Variants in TNNC1 observed in about 807,000 individuals in gnomAD.
The protein encoded by TNNC1 is troponin C, slow skeletal and cardiac muscles.
Under a neutral mutation model 19.6 loss-of-function variants are expected in TNNC1, and 10 were observed. The ratio of observed to expected loss-of-function variants is 0.51; its 90% CI spans 0.31 to 0.87. The LOEUF is 0.87. Ranked by LOEUF, TNNC1 falls within the 40% of genes least tolerant of loss-of-function variation. TNNC1 has a pLI of 0.04. For synonymous variants in TNNC1, 85 were observed against 80.1 expected (o/e 1.06, Z -0.33); for missense variants, 115 against 219.8 (o/e 0.52, Z 3.02).
Position 52,451,875 on chromosome 3 carries a change from T to A in TNNC1, c.203-17A>T, listed in dbSNP as rs1209730200. 1 of 1,610,478 alleles carries A rather than the reference T, an allele frequency of 6.2e-7. No homozygotes were observed. Among genetic ancestry groups the A allele is most frequent in the Non-Finnish European group, 8.5e-7 (1 of 1,176,980 alleles). ...TGCCGCTGCCTGGGGGTGGGCAGCA[T>A]GGCCGTTACAGAGGCCAGGGTAGGT... On this transcript the variant is annotated splice_polypyrimidine_tract_variant and intron_variant, in intron 3 of 5. Coordinates refer to ENST00000232975, the MANE Select transcript of TNNC1 (RefSeq NM_003280.3). This position sits in a 1 kb window ranked among gnomAD's most constrained non-coding sequence, Gnocchi z 4.8.
Position 52,451,405 on chromosome 3 carries a change from C to A in TNNC1, c.440G>T (p.Arg147Leu). 1 of 1,614,160 alleles carries A rather than the reference C, an allele frequency of 6.2e-7. No individual in the cohort carries two copies. Among genetic ancestry groups the A allele is most frequent in the South Asian group, 1.1e-5 (1 of 91,084 alleles). ...CACCCGCTTACCATCATAGTCGATG[C>A]GGCCGTCGTTGTTCTTGTCTCCGTC... is the stretch of plus-strand genomic sequence containing the variant. Reference protein sequence around the residue: ...MKDGDKNNDGRIDYDEFLEFM... With the variant: ...MKDGDKNNDGLIDYDEFLEFM... Residue 147 changes from arginine (R) to leucine (L), a missense_variant, in exon 5 of 6, where the codon CGC becomes CTC. Physicochemically the swap from Arg to Leu is moderately radical, Grantham distance 102. Transcript: ENST00000232975. This position sits in a 1 kb window ranked among gnomAD's most constrained non-coding sequence, Gnocchi z 4.8.
At chr3:52,453,778 C>T (rs898418157) in intron 1 of TNNC1, among the ~76,000 whole-genome samples, 4 of 152,212 alleles carry the variant, frequency 2.6e-5, no homozygotes, top group African/African-American at 7.2e-5. Context: ...CTGAAAGCTG[C>T]AACCTCCTCC....
At position 52,451,185 on chromosome 3, in the gene TNNC1, C is replaced by G; in HGVS notation, c.*90G>C. The G allele has an allele frequency of 6.7e-7, 1 of 1,496,194 alleles. No homozygotes were observed. The highest frequency in any genetic ancestry group is 9.3e-7 in the Non-Finnish European group (1 of 1,076,016). 92.7% of individuals were successfully genotyped at this position (1,496,194 alleles called of 1,614,324 possible). On this transcript the variant is annotated 3_prime_UTR_variant, in exon 6 of 6. Transcript: ENST00000232975. This position sits in a 1 kb window ranked among gnomAD's most constrained non-coding sequence, Gnocchi z 4.8. ...TTGGGGTTGAGGACATGGCCAGGCT[C>G]AGGTCCTGGGACCCCGACCCCCTCC...
In TNNC1 at chr3:52,451,862, G is replaced by C. The variant is rs766116933; in HGVS notation, c.203-4C>G. ...TCAAAGTCCACCGTGCCGCTGCCTGGGGGTGGGCAGCATGGCCGTTACAGA... is the reference window on the plus strand; with the variant it reads ...TCAAAGTCCACCGTGCCGCTGCCTGCGGGTGGGCAGCATGGCCGTTACAGA... On this transcript the variant is annotated splice_region_variant and splice_polypyrimidine_tract_variant and intron_variant, in intron 3 of 5. Coordinates refer to ENST00000232975, the MANE Select transcript of TNNC1 (RefSeq NM_003280.3). The surrounding 1 kb of genome is among the most constrained non-coding windows in gnomAD (Gnocchi z 4.8). 1 of 1,613,118 alleles carries C rather than the reference G, an allele frequency of 6.2e-7. No homozygotes were observed. The highest frequency in any genetic ancestry group is 8.5e-7 in the Non-Finnish European group (1 of 1,179,194).
At position 52,454,035 on chromosome 3, in the gene TNNC1, G is replaced by A; in HGVS notation, c.-20C>T. On this transcript the variant is annotated 5_prime_UTR_variant, in exon 1 of 6. Coordinates refer to ENST00000232975, the MANE Select transcript of TNNC1 (RefSeq NM_003280.3). ...ATCCATGCTGGCGGCTCACAGGACA[G>A]CTTGCTGGGGTTGCCAGCCGGCCCT... 6.4e-7 allele frequency: 1 copy of A among 1,569,834 alleles called. No individual in the cohort carries two copies. The highest frequency in any genetic ancestry group is 1.8e-5 in the Admixed American group (1 of 54,502).
rs1284350825 is a variant in TNNC1 at position 52,452,668 on chromosome 3, G to T, written c.25-155C>A. Reference sequence around the variant, plus strand: ...TCAGTCCTCCCTCCCTGCCCCCAAAGCCCTGACGTGACCCAGCTGGCCTCA... The same window carrying T: ...TCAGTCCTCCCTCCCTGCCCCCAAATCCCTGACGTGACCCAGCTGGCCTCA... On this transcript the variant is annotated intron_variant, in intron 1 of 5. Coordinates refer to ENST00000232975, the MANE Select transcript of TNNC1 (RefSeq NM_003280.3). The surrounding 1 kb of genome is among the most constrained non-coding windows in gnomAD (Gnocchi z 5.2). 3 of 838,710 alleles carry T rather than the reference G, an allele frequency of 3.6e-6. No homozygotes were observed. The highest frequency in any genetic ancestry group is 5.9e-6 in the Non-Finnish European group (3 of 510,750). The allele number at this position is 838,710 out of a possible 1,614,324, so 52.0% of individuals were successfully genotyped here. A position where few individuals can be genotyped will look rare whatever the true frequency, so the allele number is the denominator to read the frequency against.
At position 52,452,098 on chromosome 3, in the gene TNNC1, G is replaced by T; in HGVS notation, c.202+8C>A. ...GTTCTTCTGGAGCCTGGGGAGGAGG[G>T]GGCTCACCGTCCTCGTCCACCTCAT... On this transcript the variant is annotated splice_region_variant and intron_variant, in intron 3 of 5. Transcript: ENST00000232975. This position sits in a 1 kb window ranked among gnomAD's most constrained non-coding sequence, Gnocchi z 5.2. 1 of 1,613,804 alleles carries T rather than the reference G, an allele frequency of 6.2e-7. No homozygotes were observed. The highest frequency in any genetic ancestry group is 1.1e-5 in the South Asian group (1 of 91,082).
rs1276883958 is a variant in TNNC1 at position 52,452,664 on chromosome 3, C to G, written c.25-151G>C. On this transcript the variant is annotated intron_variant, in intron 1 of 5. Coordinates refer to ENST00000232975, the MANE Select transcript of TNNC1 (RefSeq NM_003280.3). This position sits in a 1 kb window ranked among gnomAD's most constrained non-coding sequence, Gnocchi z 5.2. ...GGTCTCAGTCCTCCCTCCCTGCCCC[C>G]AAAGCCCTGACGTGACCCAGCTGGC... 4.6e-6 allele frequency: 4 copies of G among 871,912 alleles called. No individual in the cohort carries two copies. Among genetic ancestry groups the G allele is most frequent in the Non-Finnish European group, 7.4e-6 (4 of 538,410 alleles). 54.0% of individuals were successfully genotyped at this position (871,912 alleles called of 1,614,324 possible).
rs1706345163 is a variant in TNNC1 at position 52,452,611 on chromosome 3, G to A, written c.25-98C>T. 9 of 1,337,774 alleles carry A rather than the reference G, an allele frequency of 6.7e-6. No homozygotes were observed. The Admixed American group carries it at 1.2e-4, about 17-fold the overall frequency. 82.9% of individuals were successfully genotyped at this position (1,337,774 alleles called of 1,614,324 possible). The stretch of plus-strand genomic sequence containing the variant: ...GGTGAGAAGGCTGGAGCTGGAGGAG[G>A]CAGGCTATTTCCAGGCCACAGAGTG... On this transcript the variant is annotated intron_variant, in intron 1 of 5. Coordinates refer to ENST00000232975, the MANE Select transcript of TNNC1 (RefSeq NM_003280.3). The surrounding 1 kb of genome is among the most constrained non-coding windows in gnomAD (Gnocchi z 5.2).
chr3:52,453,959 C>T (rs1706369603), intron 1 of TNNC1, 33 bp downstream of exon 1: 6 of 1,578,176 alleles, frequency 3.8e-6, no homozygotes, highest in Non-Finnish European at 5.2e-6. Context: ...AGTGGGCCTG[C>T]CCACCCCAGC....
In TNNC1 at chr3:52,452,337, C is replaced by G. The variant is rs1217979783; in HGVS notation, c.56-85G>C. Reference sequence around the variant, plus strand: ...CCAGAACCCTGGGGCCACCTGCCAACCTGCCCACCTCCCTCGGAGACCTCT... The same window carrying G: ...CCAGAACCCTGGGGCCACCTGCCAAGCTGCCCACCTCCCTCGGAGACCTCT... On this transcript the variant is annotated intron_variant, in intron 2 of 5. Transcript: ENST00000232975. This position sits in a 1 kb window ranked among gnomAD's most constrained non-coding sequence, Gnocchi z 5.2. The G allele has an allele frequency of 3.8e-6, 6 of 1,598,652 alleles. No homozygotes were observed. Among genetic ancestry groups the G allele is most frequent in the Non-Finnish European group, 8.5e-7 (1 of 1,176,206 alleles).
At position 52,452,335 on chromosome 3, in the gene TNNC1, AACCTGCCC is replaced by A; in HGVS notation, c.56-91_56-84del. On this transcript the variant is annotated intron_variant, in intron 2 of 5. Transcript: ENST00000232975. The surrounding 1 kb of genome is among the most constrained non-coding windows in gnomAD (Gnocchi z 5.2). The stretch of plus-strand genomic sequence containing the variant: ...GGCCAGAACCCTGGGGCCACCTGCC[AACCTGCCC>A]ACCTCCCTCGGAGACCTCTCTGAGG... 2 of 1,599,428 alleles carry A rather than the reference AACCTGCCC, an allele frequency of 1.3e-6. No homozygotes were observed. Among genetic ancestry groups the A allele is most frequent in the Non-Finnish European group, 1.7e-6 (2 of 1,176,800 alleles).
Position 52,452,009 on chromosome 3 carries a change from G to C in TNNC1, c.202+97C>G. 1 of 1,596,174 alleles carries C rather than the reference G, an allele frequency of 6.3e-7. No individual in the cohort carries two copies. The highest frequency in any genetic ancestry group is 8.6e-7 in the Non-Finnish European group (1 of 1,166,202). Reference sequence around the variant, plus strand: ...CCATTTTATAGATGAGGCAACCAAGGCTCGGATAGGCTAAATTGCTCCCAG... The same window carrying C: ...CCATTTTATAGATGAGGCAACCAAGCCTCGGATAGGCTAAATTGCTCCCAG... On this transcript the variant is annotated intron_variant, in intron 3 of 5. Coordinates refer to ENST00000232975, the MANE Select transcript of TNNC1 (RefSeq NM_003280.3). The surrounding 1 kb of genome is among the most constrained non-coding windows in gnomAD (Gnocchi z 5.2).
At position 52,451,209 on chromosome 3, in the gene TNNC1, C is replaced by G; in HGVS notation, c.*66G>C. ...TCAGGTCCTGGGACCCCGACCCCCT[C>G]CCCAACCCCAGGACTCAGCTGGAGT... On this transcript the variant is annotated 3_prime_UTR_variant, in exon 6 of 6. Transcript: ENST00000232975. The surrounding 1 kb of genome is among the most constrained non-coding windows in gnomAD (Gnocchi z 4.8). 1 of 1,605,032 alleles carries G rather than the reference C, an allele frequency of 6.2e-7. No individual in the cohort carries two copies. The highest frequency in any genetic ancestry group is 8.5e-7 in the Non-Finnish European group (1 of 1,172,338).
Position 52,451,374 on chromosome 3 carries a change from C to G in TNNC1, c.454+17G>C. The G allele has an allele frequency of 6.2e-7, 1 of 1,614,084 alleles. No homozygotes were observed. Among genetic ancestry groups the G allele is most frequent in the Non-Finnish European group, 8.5e-7 (1 of 1,179,988 alleles). ...GCAGGGCATGGAGGCAGGAGATCAG[C>G]CCACCCACCCGCTTACCATCATAGT... is the stretch of plus-strand genomic sequence containing the variant. On this transcript the variant is annotated intron_variant, in intron 5 of 5. Coordinates refer to ENST00000232975, the MANE Select transcript of TNNC1 (RefSeq NM_003280.3). The surrounding 1 kb of genome is among the most constrained non-coding windows in gnomAD (Gnocchi z 4.8).
In TNNC1 at chr3:52,451,449, G is replaced by A; in HGVS notation, c.396C>T (p.Asp132=). ...QATGETITED[D]IEELMKDGDK... is the part of the protein sequence containing the mutation. ...CTCCGTCCTTCATGAGCTCCTCGAT[G>A]TCGTCCTCCGTGATGGTCTCGCCTG... is the stretch of plus-strand genomic sequence containing the variant. The change falls in exon 5 of 6, where the codon GAC becomes GAT. Residue 132 remains aspartate, a synonymous_variant. Coordinates refer to ENST00000232975, the MANE Select transcript of TNNC1 (RefSeq NM_003280.3). The surrounding 1 kb of genome is among the most constrained non-coding windows in gnomAD (Gnocchi z 4.8). 4 of 1,614,144 alleles carry A rather than the reference G, an allele frequency of 2.5e-6. No homozygotes were observed. The highest frequency in any genetic ancestry group is 3.4e-6 in the Non-Finnish European group (4 of 1,180,016).
At position 52,451,462 on chromosome 3, in the gene TNNC1, A is replaced by AT; in HGVS notation, c.382dup (p.Ile128AsnfsTer24). On this transcript the variant is annotated frameshift_variant, in exon 5 of 6. Coordinates refer to ENST00000232975, the MANE Select transcript of TNNC1 (RefSeq NM_003280.3). LOFTEE classifies it high-confidence loss of function. This position sits in a 1 kb window ranked among gnomAD's most constrained non-coding sequence, Gnocchi z 4.8. ...GAGCTCCTCGATGTCGTCCTCCGTG[A>AT]TGGTCTCGCCTGTAGCCTGCAGCAT... 1 of 1,614,010 alleles carries AT rather than the reference A, an allele frequency of 6.2e-7. No individual in the cohort carries two copies. The highest frequency in any genetic ancestry group is 8.5e-7 in the Non-Finnish European group (1 of 1,179,990).
At chr3:52,453,902 A>G in intron 1 of TNNC1, 90 bp downstream of exon 1, 3 of 1,487,618 alleles carry the variant, frequency 2.0e-6, no homozygotes, top group Non-Finnish European at 2.8e-6. Flanking sequence ...GGTCCCCACC[A>G]CTTCCCTGGG....
In TNNC1 at chr3:52,452,770, A is replaced by T. The variant is rs539117227; in HGVS notation, c.25-257T>A. The T allele has an allele frequency of 3.4e-6, 2 of 581,994 alleles. No homozygotes were observed. Among genetic ancestry groups the T allele is most frequent in the East Asian group, 5.8e-5 (2 of 34,258 alleles). The allele number at this position is 581,994 out of a possible 1,614,324, so 36.1% of individuals were successfully genotyped here. Reference sequence around the variant, plus strand: ...AAGGTGACCCTCAGTAACAATAGTCAGTGACCACTCAATGCCCTTTCGGCC... The same window carrying T: ...AAGGTGACCCTCAGTAACAATAGTCTGTGACCACTCAATGCCCTTTCGGCC... On this transcript the variant is annotated intron_variant, in intron 1 of 5. Coordinates refer to ENST00000232975, the MANE Select transcript of TNNC1 (RefSeq NM_003280.3). The surrounding 1 kb of genome is among the most constrained non-coding windows in gnomAD (Gnocchi z 5.2).
Sources: gnomAD v4.1 joint callset for allele counts (sites outside exome capture counted in the v4.1 genomes callset) on GRCh38, gnomAD v4.1.1 for gene constraint, Gnocchi (gnomAD v3.1) non-coding constraint, MANE v1.5 for transcripts, NCBI Gene and HGNC (gene_info 2026-07-23, HGNC 2026-07-21) for gene names.